SCD5: variants seen among roughly 807,000 people sequenced by gnomAD.
SCD5 encodes acyl-CoA-desaturase 4.
Under a neutral mutation model 30.4 loss-of-function variants are expected in SCD5, and 20 were observed. The ratio of observed to expected loss-of-function variants is 0.66; its 90% confidence interval spans 0.46 to 0.96. The LOEUF (loss-of-function observed/expected upper bound fraction) is 0.96. SCD5 is among the 40% of genes least tolerant of loss of function. The pLI, the probability that SCD5 is intolerant of heterozygous loss-of-function variation, is 0.00. For missense variants in SCD5, 381 were observed against 443.3 expected, an observed-to-expected ratio of 0.86 and a Z score of 1.26; for synonymous variants, 173 against 176.4, an observed-to-expected ratio of 0.98 and a Z score of 0.16.
chr4:82,680,558 TAATA>T (rs769615700), intron 3 of SCD5, 145 bp downstream of exon 3: 11 of 703,034 alleles, frequency 1.6e-5, no homozygotes, highest in African/African-American at 1.3e-4. Context: ...AAAAGGAAAT[TAATA>T]AATAGAGATA....
chr4:82,649,180 GGTGT>G (rs55991339), intron 3 of SCD5, among the ~76,000 whole-genome samples: 11,160 of 143,940 alleles, frequency 0.078, 475 homozygotes, highest in Admixed American at 0.11. Context: ...GGGTGAGAGG[GGTGT>G]GTGTGTGTGT....
intron 4 of SCD5, among the ~76,000 whole-genome samples, chr4:82,631,796 C>T (rs1727301115): frequency 1.3e-5 from 2 of 152,054 alleles, no homozygotes; most frequent in Admixed American, 6.5e-5. Flanking sequence ...AAGGTAAATG[C>T]TAAATGGCTG....
At chr4:82,659,767 T>A (rs373963094) in intron 3 of SCD5, 2 of 152,170 alleles carry the variant, frequency 1.3e-5, no homozygotes, top group Non-Finnish European at 2.9e-5. Flanking sequence ...AATTTTAGAA[T>A]AAGTGTGATG....
At chr4:82,712,297 T>TACACATA (rs1560540874) in intron 1 of SCD5, among the ~76,000 whole-genome samples, 4 of 33,754 alleles carry the variant, frequency 1.2e-4, no homozygotes, top group Non-Finnish European at 1.9e-4. Flanking sequence ...TATATATATA[T>TACACATA]TTTATTTTTA....
intron 1 of SCD5, among the ~76,000 whole-genome samples, chr4:82,779,386 C>T (rs897803172): frequency 6.6e-6 from 1 of 152,188 alleles, no homozygotes; most frequent in African/African-American, 2.4e-5. Context: ...GGCAAGGAAA[C>T]AGATTACCCA....
intron 2 of SCD5, among the ~76,000 whole-genome samples, chr4:82,693,148 G>A (rs1230269983): frequency 6.6e-6 from 1 of 152,214 alleles, no homozygotes; most frequent in African/African-American, 2.4e-5. Context: ...TAGGGATGCA[G>A]TGGCACCTGT....
chr4:82,741,859 G>T (rs534890757), intron 1 of SCD5, among the ~76,000 whole-genome samples: 1 of 142,528 alleles, frequency 7.0e-6, no homozygotes. Flanking sequence ...TGGGCGGGGG[G>T]GGGGAGTGGG....
rs148216975 is a variant in SCD5, at chr4:82,758,445, C to T, written c.232+39861G>A. On this transcript the variant is annotated intron_variant, in intron 1 of 4. Transcript: ENST00000319540. ...CTGCACTCCAGCCTGAGCCACAGAG[C>T]GAGACTCTGTGGGTCCACCCTCATG... Among the ~76,000 whole-genome samples the T allele has an allele frequency of 1.5e-3, 232 of 152,206 alleles. 1 individual carries two copies. The highest frequency in any genetic ancestry group is 5.3e-3 in the African/African-American group (221 of 41,538).
rs139475916 is a variant in SCD5, at chr4:82,773,740, T to C, written c.232+24566A>G. Among the ~76,000 whole-genome samples the C allele has an allele frequency of 3.2e-4, 48 of 152,266 alleles. No individual in the cohort carries two copies. In the East Asian group the frequency reaches 8.9e-3, roughly 28 times the overall value. On this transcript the variant is annotated intron_variant, in intron 1 of 4. Coordinates refer to ENST00000319540, the MANE Select transcript of SCD5 (RefSeq NM_001037582.3). ...TGACATTCAAACACATTTCTAGACA[T>C]TGCCAAATGCCTCTTGGGGGTGAGG...
chr4:82,659,992 A>G (rs1727951862), intron 3 of SCD5: 1 of 5,012 alleles, frequency 2.0e-4, no homozygotes, highest in African/African-American at 1.9e-3. Context: ...TCAAGCAAAA[A>G]AAAAAAAAAA....
intron 3 of SCD5, among the ~76,000 whole-genome samples, chr4:82,679,243 A>AGAAAGAAAGAAG (rs1728507942): frequency 9.2e-6 from 1 of 108,560 alleles, no homozygotes; most frequent in African/African-American, 3.4e-5. Context: ...AAAGAAAGAA[A>AGAAAGAAAGAAG]GAAAGAAAGA....
intron 1 of SCD5, among the ~76,000 whole-genome samples, chr4:82,741,449 G>T (rs1001899932): frequency 6.6e-6 from 1 of 152,064 alleles, no homozygotes; most frequent in Non-Finnish European, 1.5e-5. Flanking sequence ...AAACCAAGGC[G>T]CCCAACCAAC....
chr4:82,717,308 G>C (rs1436954800), intron 1 of SCD5, among the ~76,000 whole-genome samples: 1 of 151,628 alleles, frequency 6.6e-6, no homozygotes, highest in Non-Finnish European at 1.5e-5. Flanking sequence ...AGACTGCTCA[G>C]GTTCTCTGAG....
chr4:82,798,080 T>TGGGGCGGG (rs1436762424), intron 1 of SCD5, among the ~76,000 whole-genome samples: 1 of 25,834 alleles, frequency 3.9e-5, no homozygotes, highest in African/African-American at 1.0e-4. Flanking sequence ...CGCGGCGGGG[T>TGGGGCGGG]GGGGGCGGGG....
At chr4:82,700,087 C>T (rs193254848) in intron 2 of SCD5, among the ~76,000 whole-genome samples, 51 of 151,922 alleles carry the variant, frequency 3.4e-4, no homozygotes, top group South Asian at 8.3e-4. Context: ...TTTGGTGGCG[C>T]GCACCTGTAA....
intron 2 of SCD5, among the ~76,000 whole-genome samples, chr4:82,701,483 A>G (rs1719839265): frequency 6.6e-6 from 1 of 152,162 alleles, no homozygotes; most frequent in African/African-American, 2.4e-5. Context: ...TATACCAATT[A>G]AAAGACAGAC....
At chr4:82,735,523 C>T (rs1560547857) in intron 1 of SCD5, among the ~76,000 whole-genome samples, 1 of 152,152 alleles carries the variant, frequency 6.6e-6, no homozygotes, top group African/African-American at 2.4e-5. Flanking sequence ...TACAGATACA[C>T]GACAATAAAC....
intron 3 of SCD5, among the ~76,000 whole-genome samples, chr4:82,676,699 T>C (rs537896496): frequency 6.6e-6 from 1 of 152,332 alleles, no homozygotes; most frequent in Non-Finnish European, 1.5e-5. Context: ...GCAGGTGCCA[T>C]GTTCCTTTGG....
chr4:82,634,679 AC>A (rs1331530998), intron 4 of SCD5, among the ~76,000 whole-genome samples: 3 of 152,108 alleles, frequency 2.0e-5, no homozygotes, highest in African/African-American at 7.2e-5. Flanking sequence ...TAGACTTATA[AC>A]CAATACCTAG....
Sources: allele counts gnomAD v4.1 joint callset (sites outside exome capture counted in the v4.1 genomes callset), GRCh38; gene constraint gnomAD v4.1.1; transcripts MANE v1.5; gene names NCBI Gene and HGNC (gene_info 2026-07-23, HGNC 2026-07-21).